Variants in MBP observed in about 807,000 individuals in gnomAD.
MBP encodes the protein myelin basic protein.
Under a neutral mutation model 35.8 loss-of-function variants are expected in MBP, and 16 were observed. The observed-to-expected ratio is 0.45, with a 90% confidence interval of 0.30 to 0.68. The LOEUF is 0.68. Ranked by LOEUF, MBP falls within the 30% of genes least tolerant of loss-of-function variation. The probability of loss-of-function intolerance (pLI) is 0.08; values close to 1 mark genes in which losing one functional copy is unlikely to be tolerated. For missense variants in MBP, 380 were observed against 404.7 expected (o/e 0.94, Z 0.52); for synonymous variants, 143 against 159.6 (o/e 0.90, Z 0.78).
At chr18:77,023,264 C>A (rs185961805) in intron 3 of MBP, among the ~76,000 whole-genome samples, 2 of 152,080 alleles carry the variant, frequency 1.3e-5, no homozygotes, top group Non-Finnish European at 2.9e-5. Context: ...GAAACTCAGG[C>A]GTCATGACCT....
intron 2 of MBP, among the ~76,000 whole-genome samples, chr18:77,071,883 G>A (rs1001480624): frequency 2.0e-5 from 3 of 152,164 alleles, no homozygotes; most frequent in African/African-American, 7.2e-5. Flanking sequence ...CGTAGGAAGT[G>A]CACCGTGTTT....
chr18:76,991,207 T>G (rs1969891678), intron 4 of MBP, among the ~76,000 whole-genome samples: 1 of 94,092 alleles, frequency 1.1e-5, no homozygotes, highest in African/African-American at 4.2e-5. Context: ...CACTTCCACA[T>G]CTCGAGTAAG....
At position 77,020,083 on chromosome 18, in the gene MBP, G is replaced by T. The variant is rs1277312489; in HGVS notation, c.140-2815C>A. On this transcript the variant is annotated intron_variant, in intron 3 of 8. Transcript: ENST00000355994. The surrounding 1 kb of genome is among the most constrained non-coding windows in gnomAD (Gnocchi z 4.1). ...AGGGCTTGGTTTGGGGAGCAGCGGG[G>T]CCTGGGGAGGGAAGATTCTAGTGGA... 6.6e-6 allele frequency among the ~76,000 whole-genome samples: 1 copy of T among 152,162 alleles called. No homozygotes were observed. The highest frequency in any genetic ancestry group is 1.5e-5 in the Non-Finnish European group (1 of 68,010).
At chr18:77,111,139 T>C (rs1239529746) in intron 1 of MBP, among the ~76,000 whole-genome samples, 1 of 152,096 alleles carries the variant, frequency 6.6e-6, no homozygotes, top group East Asian at 1.9e-4. Context: ...AAAAGCTCCA[T>C]AAATACACGC....
At chr18:76,991,279 A>G (rs566451730) in intron 4 of MBP, among the ~76,000 whole-genome samples, 140 of 152,266 alleles carry the variant, frequency 9.2e-4, no homozygotes, top group African/African-American at 3.2e-3. Flanking sequence ...TAATCAACAG[A>G]ACCAGAACAC....
Position 76,989,121 on chromosome 18 carries a change from T to C in MBP, c.682-209A>G. On this transcript the variant is annotated intron_variant, in intron 5 of 8. Transcript: ENST00000355994. This position sits in a 1 kb window ranked among gnomAD's most constrained non-coding sequence, Gnocchi z 4.0. ...AGATGATGCAGATCTCCCAGAGCAC[T>C]CAGGAAGTGTTTCAGAGGATGGAAA... 1.4e-6 allele frequency: 1 copy of C among 697,108 alleles called. No individual in the cohort carries two copies. Among genetic ancestry groups the C allele is most frequent in the Non-Finnish European group, 2.6e-6 (1 of 382,256 alleles). The allele number at this position is 697,108 out of a possible 1,614,324, so 43.2% of individuals were successfully genotyped here. A position where few individuals can be genotyped will look rare whatever the true frequency, so the allele number is the denominator to read the frequency against.
At chr18:76,985,628 G>A (rs767687567) in intron 7 of MBP, 216 of 1,058,982 alleles carry the variant, frequency 2.0e-4, no homozygotes, top group Non-Finnish European at 2.3e-4. Flanking sequence ...CTGGCACGGG[G>A]GGCGGCCGCA....
intron 2 of MBP, among the ~76,000 whole-genome samples, chr18:77,094,266 G>A (rs1471772437): frequency 6.6e-6 from 1 of 152,216 alleles, no homozygotes; most frequent in Non-Finnish European, 1.5e-5. Context: ...GAGCCACTGA[G>A]CCCAGCCTAA....
intron 4 of MBP, chr18:77,014,984 G>C: frequency 1.0e-6 from 1 of 984,762 alleles, no homozygotes. Context: ...TTGATAATTG[G>C]CCAGCCCTGT....
At chr18:77,018,612 T>TCATCCATCCATC (rs58567064) in intron 3 of MBP, among the ~76,000 whole-genome samples, 1,856 of 111,024 alleles carry the variant, frequency 0.017, 76 homozygotes, top group African/African-American at 0.047. Context: ...ATCTATCCAC[T>TCATCCATCCATC]CATCCATCCA....
Position 77,020,029 on chromosome 18 carries a change from C to A in MBP, c.140-2761G>T, listed in dbSNP as rs528135077. Among the ~76,000 whole-genome samples, 1 of 152,202 alleles carries A rather than the reference C, an allele frequency of 6.6e-6. No homozygotes were observed. The highest frequency in any genetic ancestry group is 2.1e-4 in the South Asian group (1 of 4,808). On this transcript the variant is annotated intron_variant, in intron 3 of 8. Coordinates refer to ENST00000355994, the MANE Select transcript of MBP (RefSeq NM_001025101.2). This position sits in a 1 kb window ranked among gnomAD's most constrained non-coding sequence, Gnocchi z 4.1. Reference sequence around the variant, plus strand: ...GGCTGTGAACAGACTGTGGAAAGGGCAGAGCAGGCAGCTATGTGGCGAGAA... The same window carrying A: ...GGCTGTGAACAGACTGTGGAAAGGGAAGAGCAGGCAGCTATGTGGCGAGAA...
intron 2 of MBP, chr18:77,093,492 C>T (rs771284440): frequency 2.0e-5 from 3 of 152,194 alleles, no homozygotes; most frequent in East Asian, 3.8e-4. Context: ...TGCATTCCAA[C>T]TTAACAAAGG....
chr18:77,039,952 C>T (rs146527981), intron 3 of MBP, among the ~76,000 whole-genome samples: 23 of 152,306 alleles, frequency 1.5e-4, no homozygotes, highest in African/African-American at 4.1e-4. Flanking sequence ...TACAGCATGA[C>T]TCTACAGCAT....
intron 3 of MBP, among the ~76,000 whole-genome samples, chr18:77,058,589 C>T (rs1244804373): frequency 1.3e-5 from 2 of 152,218 alleles, no homozygotes; most frequent in Non-Finnish European, 2.9e-5. Context: ...GCAACAGAAA[C>T]AGCACTTTAA....
intron 2 of MBP, among the ~76,000 whole-genome samples, chr18:77,100,537 G>GT (rs1975962664): frequency 9.6e-6 from 1 of 104,632 alleles, no homozygotes. Context: ...GTGTGTGTGT[G>GT]TGTGTGTGTT....
At chr18:77,128,362 T>C (rs1449904574) in intron 1 of MBP, among the ~76,000 whole-genome samples, 1 of 152,168 alleles carries the variant, frequency 6.6e-6, no homozygotes, top group Non-Finnish European at 1.5e-5. Context: ...AACCATACTG[T>C]GGTTGCCAGC....
At chr18:77,094,200 T>A (rs994155460) in intron 2 of MBP, among the ~76,000 whole-genome samples, 3 of 152,224 alleles carry the variant, frequency 2.0e-5, no homozygotes, top group Non-Finnish European at 4.4e-5. Flanking sequence ...GGTCTTGAAC[T>A]CCTGACCTCG....
At chr18:77,067,692 G>C (rs564459932) in intron 2 of MBP, 1 of 403,188 alleles carries the variant, frequency 2.5e-6, no homozygotes, top group Non-Finnish European at 5.0e-6. Context: ...CTTCTCTCGG[G>C]TGCCACTCCC....
chr18:77,124,530 G>A (rs1401795576), intron 1 of MBP, among the ~76,000 whole-genome samples: 2 of 152,086 alleles, frequency 1.3e-5, no homozygotes, highest in Non-Finnish European at 2.9e-5. Context: ...ACCCCCGGAA[G>A]TGGGGGTTGG....
Sources: gnomAD v4.1 joint callset for allele counts (sites outside exome capture counted in the v4.1 genomes callset) on GRCh38, gnomAD v4.1.1 for gene constraint, Gnocchi (gnomAD v3.1) non-coding constraint, MANE v1.5 for transcripts, NCBI Gene and HGNC (gene_info 2026-07-23, HGNC 2026-07-21) for gene names.